BNC2: variants seen among roughly 807,000 people sequenced by gnomAD.
BNC2 encodes the protein zinc finger protein basonuclin-2.
Under a neutral mutation model 76.3 loss-of-function variants are expected in BNC2, and 20 were observed. The ratio of observed to expected loss-of-function variants is 0.26; its 90% CI spans 0.18 to 0.38. BNC2 has a LOEUF of 0.38. Ranked by LOEUF, BNC2 falls within the 10% of genes least tolerant of loss-of-function variation. The pLI, the probability that BNC2 is intolerant of heterozygous loss-of-function variation, is 1.00. For missense variants in BNC2, 1,382 were observed against 1,399.8 expected (o/e 0.99, Z 0.20); for synonymous variants, 582 against 514.8 (o/e 1.13, Z -1.77).
chr9:16,548,674 G>A (rs1055648191), intron 5 of BNC2, among the ~76,000 whole-genome samples: 1 of 152,128 alleles, frequency 6.6e-6, no homozygotes, highest in Non-Finnish European at 1.5e-5. Context: ...GAAAGTGCTG[G>A]GATTACAGGC....
chr9:16,768,034 T>C (rs1334127378), intron 1 of BNC2, among the ~76,000 whole-genome samples: 1 of 151,720 alleles, frequency 6.6e-6, no homozygotes, highest in African/African-American at 2.4e-5. Context: ...GGCACAATCT[T>C]GGCTCACTGC....
chr9:16,779,772 A>G (rs1826072182), intron 1 of BNC2, among the ~76,000 whole-genome samples: 1 of 152,224 alleles, frequency 6.6e-6, no homozygotes, highest in Non-Finnish European at 1.5e-5. Flanking sequence ...AAATGTCCAG[A>G]AGAGGCAATC....
chr9:16,536,921 T>A lies in BNC2; in HGVS notation c.669+15609A>T, dbSNP rs560913233. ...GCTCCTCAAGGTTAGTTCGGCTATA[T>A]AGAGGCAATTCCTTCCATTTAGTAT... On this transcript the variant is annotated intron_variant, in intron 5 of 6. Transcript: ENST00000380672. Among the ~76,000 whole-genome samples the A allele has an allele frequency of 1.2e-4, 19 of 152,284 alleles. 1 individual carries two copies. The highest frequency in any genetic ancestry group is 1.8e-4 in the Non-Finnish European group (12 of 67,978).
At chr9:16,795,718 G>C (rs757259509) in intron 1 of BNC2, among the ~76,000 whole-genome samples, 210 of 152,128 alleles carry the variant, frequency 1.4e-3, no homozygotes, top group African/African-American at 4.8e-3. Context: ...CATGAGTTTG[G>C]TTCCCAAGGG....
At chr9:16,426,271 A>G (rs1820802350) in intron 6 of BNC2, among the ~76,000 whole-genome samples, 2 of 151,230 alleles carry the variant, frequency 1.3e-5, no homozygotes, top group African/African-American at 2.4e-5. Context: ...TTTAGAAGAT[A>G]TATTTCCAAA....
At chr9:16,825,236 T>G (rs1211031940) in intron 1 of BNC2, among the ~76,000 whole-genome samples, 1 of 152,182 alleles carries the variant, frequency 6.6e-6, no homozygotes. Context: ...ATCATTTATT[T>G]TCTACTCATC....
At chr9:16,837,258 C>T (rs928294402) in intron 1 of BNC2, among the ~76,000 whole-genome samples, 9 of 152,226 alleles carry the variant, frequency 5.9e-5, no homozygotes, top group African/African-American at 1.7e-4. Flanking sequence ...GTAATCCCAG[C>T]ACTTTGGGAG....
At chr9:16,852,868 A>G (rs1261104344) in intron 1 of BNC2, among the ~76,000 whole-genome samples, 1 of 152,212 alleles carries the variant, frequency 6.6e-6, no homozygotes, top group Non-Finnish European at 1.5e-5. Context: ...CCAGCTTAGC[A>G]AAGTTCTATG....
chr9:16,491,944 G>A (rs138558449), intron 5 of BNC2, among the ~76,000 whole-genome samples: 4 of 152,140 alleles, frequency 2.6e-5, no homozygotes, highest in African/African-American at 9.6e-5. Flanking sequence ...ACATACTTCC[G>A]CTTTTACAAA....
chr9:16,675,192 G>A (rs574775056), intron 3 of BNC2, among the ~76,000 whole-genome samples: 3 of 152,016 alleles, frequency 2.0e-5, no homozygotes, highest in African/African-American at 7.2e-5. Flanking sequence ...AGGTCTAACT[G>A]ATATTTACAT....
chr9:16,866,360 C>T lies in BNC2; in HGVS notation c.3+4286G>A, dbSNP rs144712989. On this transcript the variant is annotated intron_variant, in intron 1 of 6. Coordinates refer to ENST00000380672, the MANE Select transcript of BNC2 (RefSeq NM_017637.6). The stretch of plus-strand genomic sequence containing the variant: ...AATACAGAAGTTGTATGTAGAACTA[C>T]TCCAAAACCATCATTTACAGAAAAG... Among the ~76,000 whole-genome samples, 398 of 151,828 alleles carry T rather than the reference C, an allele frequency of 2.6e-3. 3 individuals carry two copies. The highest frequency in any genetic ancestry group is 9.2e-3 in the African/African-American group (383 of 41,444).
intron 4 of BNC2, among the ~76,000 whole-genome samples, chr9:16,576,825 C>A (rs1042672149): frequency 2.6e-5 from 4 of 152,322 alleles, no homozygotes; most frequent in Admixed American, 1.3e-4. Flanking sequence ...GCAACCTCCA[C>A]CTCCTGGGTT....
intron 5 of BNC2, among the ~76,000 whole-genome samples, chr9:16,487,846 G>C (rs758937649): frequency 3.9e-5 from 6 of 152,150 alleles, no homozygotes; most frequent in Non-Finnish European, 8.8e-5. Context: ...ATGTCTGTGT[G>C]GTCTTTCCTA....
chr9:16,531,995 G>A (rs952845635), intron 5 of BNC2, among the ~76,000 whole-genome samples: 4 of 151,620 alleles, frequency 2.6e-5, no homozygotes, highest in Non-Finnish European at 4.4e-5. Context: ...TGTTCATTTC[G>A]TTATCTCAGT....
intron 3 of BNC2, chr9:16,625,847 A>G (rs1820980187): frequency 1.3e-5 from 2 of 152,250 alleles, no homozygotes; most frequent in Non-Finnish European, 2.9e-5. Context: ...TGGCGGTATG[A>G]TCTCTAGTAT....
intron 5 of BNC2, among the ~76,000 whole-genome samples, chr9:16,501,445 A>C (rs1684897301): frequency 6.6e-6 from 1 of 152,114 alleles, no homozygotes; most frequent in African/African-American, 2.4e-5. Context: ...CTTTTCATAC[A>C]TTTTACCATC....
chr9:16,861,017 G>T (rs1037323898), intron 1 of BNC2, among the ~76,000 whole-genome samples: 7 of 139,724 alleles, frequency 5.0e-5, no homozygotes, highest in African/African-American at 1.3e-4. Context: ...CTGCCTGAGC[G>T]CCAGAGCAAG....
At chr9:16,773,053 A>G (rs910577291) in intron 1 of BNC2, among the ~76,000 whole-genome samples, 6 of 152,196 alleles carry the variant, frequency 3.9e-5, no homozygotes, top group Non-Finnish European at 7.3e-5. Context: ...CTGTGTCTAT[A>G]GTGAGTCCTT....
intron 6 of BNC2, among the ~76,000 whole-genome samples, chr9:16,427,232 C>G (rs1425287765): frequency 3.9e-5 from 6 of 152,198 alleles, no homozygotes; most frequent in Admixed American, 3.3e-4. Flanking sequence ...ATGCAAACTG[C>G]CACGCATAGG....
Sources: allele counts gnomAD v4.1 joint callset (sites outside exome capture counted in the v4.1 genomes callset), GRCh38; gene constraint gnomAD v4.1.1; transcripts MANE v1.5; gene names NCBI Gene and HGNC (gene_info 2026-07-23, HGNC 2026-07-21).